Variants in MYOF observed in about 807,000 individuals in gnomAD.
MYOF encodes the protein fer-1-like 3, myoferlin.
A neutral mutation model predicts 284.2 loss-of-function variants in MYOF; 244 were observed. The ratio of observed to expected loss-of-function variants is 0.86; its 90% CI spans 0.77 to 0.95. The LOEUF (loss-of-function observed/expected upper bound fraction) is 0.95, where lower values mean the gene tolerates loss of function less well. MYOF is among the 40% of genes least tolerant of loss of function. The pLI, the probability that MYOF is intolerant of heterozygous loss-of-function variation, is 0.00. For synonymous variants in MYOF, 904 were observed against 919.7 expected (o/e 0.98, Z 0.31); for missense variants, 2,496 against 2,560.6 (o/e 0.97, Z 0.54).
At chr10:93,349,070 A>T (rs1417461740) in intron 36 of MYOF, among the ~76,000 whole-genome samples, 1 of 152,202 alleles carries the variant, frequency 6.6e-6, no homozygotes, top group Non-Finnish European at 1.5e-5. Flanking sequence ...GGGTGGGGAA[A>T]GGAAGGTTCT....
chr10:93,343,069 C>T (rs1843999571), intron 38 of MYOF, among the ~76,000 whole-genome samples: 1 of 151,950 alleles, frequency 6.6e-6, no homozygotes, highest in Admixed American at 6.6e-5. Context: ...TTTTAAGGCA[C>T]TGTTTATGGA....
intron 7 of MYOF, 34 bp from the exon 8 acceptor site, chr10:93,404,253 A>G (rs774431819): frequency 6.2e-7 from 1 of 1,608,908 alleles, no homozygotes. Context: ...TTTAAATGTT[A>G]ACAGGGGATT....
intron 53 of MYOF, among the ~76,000 whole-genome samples, chr10:93,307,297 ATTTTTATTTTTT>A (rs1347645398): frequency 6.6e-6 from 1 of 151,482 alleles, no homozygotes; most frequent in Non-Finnish European, 1.5e-5. Flanking sequence ...GTTTATTTTT[ATTTTTATTTTTT>A]TTTTGAGATG....
In MYOF at chr10:93,401,432, T is replaced by A. The variant is rs749078769; in HGVS notation, c.1103A>T (p.Glu368Val). The A allele has an allele frequency of 1.2e-6, 2 of 1,614,130 alleles. No individual in the cohort carries two copies. Among genetic ancestry groups the A allele is most frequent in the East Asian group, 4.5e-5 (2 of 44,876 alleles). Reference sequence around the variant, plus strand: ...TCAGTACATACTCTGGGGGATGTCCTCAGCTCGGTAGATTTTCAGCAAGAA... The same window carrying A: ...TCAGTACATACTCTGGGGGATGTCCACAGCTCGGTAGATTTTCAGCAAGAA... ...VTFLLKIYRA[E>V]DIPQMDDAFS... Residue 368 changes from glutamate to valine, a missense_variant, in exon 12 of 54, where the codon GAG (glutamate) becomes GTG (valine). Glu to Val is a moderately radical substitution (Grantham distance 121). Around this residue, in one of 3 missense-constraint regions of MYOF, gnomAD observed 2,436 missense variants for 2,480.7 expected, o/e 0.98. Coordinates refer to ENST00000359263, the MANE Select transcript of MYOF (RefSeq NM_013451.4).
Position 93,451,989 on chromosome 10 carries a change from A to G in MYOF, c.236+61T>C, listed in dbSNP as rs535234543. ...GTTATTAAAGATGTGTCTCTTCAAC[A>G]AAATAAACAACAGTGAGATAGTAAT... On this transcript the variant is annotated intron_variant, in intron 3 of 53. Transcript: ENST00000359263. 6.8e-4 allele frequency: 828 copies of G among 1,213,566 alleles called. 1 individual carries two copies. The highest frequency in any genetic ancestry group is 9.0e-4 in the Non-Finnish European group (756 of 837,296). 75.2% of individuals were successfully genotyped at this position (1,213,566 alleles called of 1,614,324 possible). A position where few individuals can be genotyped will look rare whatever the true frequency, so the allele number is the denominator to read the frequency against.
chr10:93,468,617 G>C (rs997721981), intron 1 of MYOF, among the ~76,000 whole-genome samples: 3 of 152,242 alleles, frequency 2.0e-5, no homozygotes, highest in African/African-American at 7.2e-5. Context: ...CCCAGGCCAA[G>C]AATTTCCAGT....
rs368619864 is a variant in MYOF, at chr10:93,329,709, A to G, written c.4937T>C (p.Leu1646Pro). 15 of 1,614,126 alleles carry G rather than the reference A, an allele frequency of 9.3e-6. No homozygotes were observed. The highest frequency in any genetic ancestry group is 1.3e-5 in the African/African-American group (1 of 74,950). ...ETIIDLENRF[L>P]SRFGSHCGIP... ...GCCGCAGTGGGACCCAAAGCGGGAA[A>G]GGAATCGGTTTTCCAGATCAATAAT... Residue 1646 changes from leucine to proline, a missense_variant, in exon 44 of 54, where the codon CTT (leucine) becomes CCT (proline). This residue lies in a region of MYOF where 2,436 missense variants were observed against 2,480.7 expected (regional missense o/e 0.98). Transcript: ENST00000359263.
chr10:93,443,454 C>CTT (rs766303411), intron 3 of MYOF, among the ~76,000 whole-genome samples: 1 of 112,354 alleles, frequency 8.9e-6, no homozygotes, highest in Non-Finnish European at 1.9e-5. Flanking sequence ...TCTTTCTTCT[C>CTT]TCTCTCTCTC....
chr10:93,399,284 A>T, intron 13 of MYOF, 108 bp downstream of exon 13: 1 of 807,546 alleles, frequency 1.2e-6, no homozygotes, highest in Non-Finnish European at 2.0e-6. Flanking sequence ...TGCCTGGCTC[A>T]TCAGGGGGCT....
intron 4 of MYOF, among the ~76,000 whole-genome samples, chr10:93,430,581 CA>C (rs747001393): frequency 0.23 from 19,917 of 86,066 alleles, 1,164 homozygotes; most frequent in Non-Finnish European, 0.25. Flanking sequence ...GACTCCATCT[CA>C]AAAAAAAAAA....
intron 7 of MYOF, among the ~76,000 whole-genome samples, chr10:93,405,156 A>G (rs991548090): frequency 6.6e-6 from 1 of 152,222 alleles, no homozygotes; most frequent in African/African-American, 2.4e-5. Flanking sequence ...AGAAAGCTTT[A>G]GAGATCATGA....
intron 48 of MYOF, among the ~76,000 whole-genome samples, chr10:93,321,397 C>T (rs948253241): frequency 6.1e-5 from 9 of 148,070 alleles, no homozygotes; most frequent in Non-Finnish European, 1.2e-4. Flanking sequence ...TGAAAGATTC[C>T]TTTTGACTAT....
At chr10:93,409,773 G>A (rs199645806) in intron 5 of MYOF, 34 bp from the exon 6 acceptor site, 878 of 1,605,036 alleles carry the variant, frequency 5.5e-4, no homozygotes, top group Non-Finnish European at 7.1e-4. Flanking sequence ...GTGAGGGATA[G>A]CCCTTATCCT....
intron 5 of MYOF, among the ~76,000 whole-genome samples, chr10:93,419,686 A>T (rs886927916): frequency 3.9e-5 from 6 of 152,182 alleles, no homozygotes; most frequent in African/African-American, 1.4e-4. Flanking sequence ...TCTCTGGAGG[A>T]ATGTATTACA....
In MYOF at chr10:93,438,525, T is replaced by A. The variant is rs1292884840; in HGVS notation, c.237-7009A>T. Among the ~76,000 whole-genome samples the A allele has an allele frequency of 3.3e-5, 5 of 152,276 alleles. 1 individual carries two copies. The East Asian group carries it at 9.7e-4, about 29-fold the overall frequency. On this transcript the variant is annotated intron_variant, in intron 3 of 53. Transcript: ENST00000359263. The stretch of plus-strand genomic sequence containing the variant: ...TCCCAAAACATTTCTCAGAATGTGC[T>A]TCCCCAGACGTCCCTCACCAGGGCG...
chr10:93,378,976 A>G (rs560447081), intron 21 of MYOF, among the ~76,000 whole-genome samples: 2 of 152,108 alleles, frequency 1.3e-5, no homozygotes, highest in South Asian at 4.2e-4. Context: ...TTGGTATCCC[A>G]AAGTGCTGGG....
intron 7 of MYOF, among the ~76,000 whole-genome samples, chr10:93,405,549 C>A (rs1589516752): frequency 6.6e-6 from 1 of 152,202 alleles, no homozygotes; most frequent in Admixed American, 6.5e-5. Flanking sequence ...CTGGCTTGGC[C>A]TCCCAAAGTA....
intron 5 of MYOF, among the ~76,000 whole-genome samples, chr10:93,410,356 G>A (rs10509656): frequency 0.077 from 11,773 of 151,940 alleles, 1,391 homozygotes; most frequent in East Asian, 0.64. Context: ...CCTTCCCTCT[G>A]CACTCAGGAA....
chr10:93,450,116 G>C (rs957735573), intron 3 of MYOF, among the ~76,000 whole-genome samples: 9 of 151,980 alleles, frequency 5.9e-5, no homozygotes, highest in Non-Finnish European at 1.2e-4. Flanking sequence ...AAAATAGGCC[G>C]GGTGCAGTAG....
Sources: allele counts gnomAD v4.1 joint callset (sites outside exome capture counted in the v4.1 genomes callset), GRCh38; gene constraint gnomAD v4.1.1; regional missense constraint gnomAD v4.1.1; transcripts MANE v1.5; gene names NCBI Gene and HGNC (gene_info 2026-07-23, HGNC 2026-07-21).